ASIC5: variants seen among roughly 807,000 people sequenced by gnomAD.
The protein encoded by ASIC5 is acid sensing ion channel subunit family member 5, also known as bile acid-sensitive ion channel.
In ASIC5, 52 loss-of-function variants were observed where a neutral mutation model predicts 51.2. The observed-to-expected ratio is 1.02, with a 90% CI of 0.81 to 1.28. The LOEUF (loss-of-function observed/expected upper bound fraction) is 1.28. Among genes scored for constraint, ASIC5 ranks in the 50% most tolerant of loss-of-function variants. The probability of loss-of-function intolerance (pLI) is 0.00; values close to 1 mark genes in which losing one functional copy is unlikely to be tolerated. For missense variants in ASIC5, 635 were observed against 595.0 expected, an observed-to-expected ratio of 1.07 and a Z score of -0.70; for synonymous variants, 231 against 200.7, an observed-to-expected ratio of 1.15 and a Z score of -1.28.
At chr4:155,830,771 C>A (rs59322544) in intron 9 of ASIC5, among the ~76,000 whole-genome samples, 9,051 of 152,170 alleles carry the variant, frequency 0.059, 922 homozygotes, top group African/African-American at 0.21. Context: ...CTCTCCTCGG[C>A]CCATGACAAC....
intron 4 of ASIC5, among the ~76,000 whole-genome samples, chr4:155,848,311 C>G (rs974116697): frequency 1.3e-5 from 2 of 151,742 alleles, no homozygotes; most frequent in Non-Finnish European, 2.9e-5. Flanking sequence ...CTTTTTCTGA[C>G]CTAATTAATC....
In ASIC5 at chr4:155,836,876, CA is replaced by C; in HGVS notation, c.1067-20del. 6.5e-7 allele frequency: 1 copy of C among 1,541,364 alleles called. No homozygotes were observed. The highest frequency in any genetic ancestry group is 2.3e-5 in the East Asian group (1 of 43,710). On this transcript the variant is annotated intron_variant, in intron 7 of 9. Coordinates refer to ENST00000537611, the MANE Select transcript of ASIC5 (RefSeq NM_017419.3). ...ATGTGGTCTGAAATGAAAATCAGGA[CA>C]GGGAATTCAGAGAAGAGAAATATTT...
chr4:155,834,213 AG>A (rs1740929285), intron 8 of ASIC5, among the ~76,000 whole-genome samples: 1 of 152,172 alleles, frequency 6.6e-6, no homozygotes, highest in Non-Finnish European at 1.5e-5. Context: ...CAACATTTTG[AG>A]GTACAGCAGC....
intron 8 of ASIC5, 92 bp downstream of exon 8, chr4:155,836,597 T>G: frequency 3.8e-6 from 3 of 781,054 alleles, no homozygotes; most frequent in Non-Finnish European, 6.1e-6. Flanking sequence ...CTTGATTGAT[T>G]AGAATTTCAT....
chr4:155,838,588 G>A (rs574789403), intron 7 of ASIC5, among the ~76,000 whole-genome samples: 16 of 152,116 alleles, frequency 1.1e-4, no homozygotes, highest in African/African-American at 3.4e-4. Flanking sequence ...TTATAAAAAA[G>A]AACAAAATTT....
chr4:155,849,324 A>G (rs960038485), intron 4 of ASIC5, among the ~76,000 whole-genome samples: 4 of 152,034 alleles, frequency 2.6e-5, no homozygotes, highest in Non-Finnish European at 5.9e-5. Context: ...TAGGTACTTG[A>G]TGGCACAAAT....
At chr4:155,834,050 T>C (rs933532959) in intron 8 of ASIC5, among the ~76,000 whole-genome samples, 1 of 152,256 alleles carries the variant, frequency 6.6e-6, no homozygotes, top group East Asian at 1.9e-4. Flanking sequence ...AACAATTTTA[T>C]ACAATTTTTA....
At chr4:155,832,637 T>C (rs1042375745) in intron 8 of ASIC5, among the ~76,000 whole-genome samples, 7 of 152,214 alleles carry the variant, frequency 4.6e-5, no homozygotes, top group African/African-American at 1.7e-4. Flanking sequence ...TACTTGGATG[T>C]CTAATAGATG....
chr4:155,843,594 G>T, intron 5 of ASIC5, 87 bp downstream of exon 5: 1 of 1,447,684 alleles, frequency 6.9e-7, no homozygotes, highest in Non-Finnish European at 9.5e-7. Context: ...TACAGGCATG[G>T]GAGAAAGGAA....
chr4:155,834,836 G>A (rs1740940905), intron 8 of ASIC5, among the ~76,000 whole-genome samples: 1 of 152,068 alleles, frequency 6.6e-6, no homozygotes, highest in Admixed American at 6.5e-5. Context: ...ACAAACCAGT[G>A]ATGGCAAAAT....
intron 4 of ASIC5, among the ~76,000 whole-genome samples, chr4:155,851,418 A>G (rs547648593): frequency 1.2e-4 from 19 of 152,022 alleles, no homozygotes; most frequent in Non-Finnish European, 2.4e-4. Context: ...GAATGCAGGA[A>G]CATCAATTTT....
At chr4:155,853,725 A>G (rs71605274) in intron 3 of ASIC5, among the ~76,000 whole-genome samples, 49 of 151,372 alleles carry the variant, frequency 3.2e-4, no homozygotes, top group Non-Finnish European at 6.2e-4. Flanking sequence ...AGAGTGATGG[A>G]TATTTGGTGA....
rs758771160 is a variant in ASIC5 at position 155,854,199 on chromosome 4, T to C, written c.463A>G (p.Thr155Ala). ...TTTTGGTGACTTGCAGCAAAATCAG[T>C]AGCCTCTCTAGAGCCAGTGGAATTG... ...TANSTGSREA[T>A]DFAASHQNFS... The change falls in exon 3 of 10, where the codon ACT becomes GCT. Residue 155 changes from threonine (T) to alanine (A), a missense_variant. By Grantham distance (58) the Thr-to-Ala change is moderately conservative. Transcript: ENST00000537611. 1.2e-6 allele frequency: 2 copies of C among 1,613,296 alleles called. No individual in the cohort carries two copies. The highest frequency in any genetic ancestry group is 3.3e-5 in the Admixed American group (2 of 59,890).
At chr4:155,852,677 A>G (rs1300230439) in intron 3 of ASIC5, among the ~76,000 whole-genome samples, 2 of 150,708 alleles carry the variant, frequency 1.3e-5, no homozygotes, top group African/African-American at 4.9e-5. Context: ...TGTAACCTGT[A>G]TGGTCACAGT....
chr4:155,849,715 C>CTT (rs377197972), intron 4 of ASIC5, among the ~76,000 whole-genome samples: 2 of 151,540 alleles, frequency 1.3e-5, no homozygotes, highest in African/African-American at 4.8e-5. Flanking sequence ...CAATTTTTTT[C>CTT]TTTTTTTTCC....
intron 5 of ASIC5, 91 bp downstream of exon 5, chr4:155,843,590 C>G (rs1741170400): frequency 2.4e-5 from 34 of 1,410,174 alleles, no homozygotes; most frequent in Admixed American, 4.1e-5. Context: ...GTTTTACAGG[C>G]ATGGGAGAAA....
At chr4:155,864,389 T>A (rs1368587846) in intron 1 of ASIC5, 1 of 152,206 alleles carries the variant, frequency 6.6e-6, no homozygotes, top group Non-Finnish European at 1.5e-5. Flanking sequence ...CAGGAATCAA[T>A]CAATAATATT....
intron 8 of ASIC5, among the ~76,000 whole-genome samples, chr4:155,835,823 T>C (rs1272496173): frequency 6.6e-6 from 1 of 152,158 alleles, no homozygotes; most frequent in Non-Finnish European, 1.5e-5. Context: ...AGCGTTTACA[T>C]GGGAATTTTT....
At chr4:155,850,575 T>C (rs1436165982) in intron 4 of ASIC5, among the ~76,000 whole-genome samples, 2 of 152,048 alleles carry the variant, frequency 1.3e-5, no homozygotes, top group Non-Finnish European at 1.5e-5. Flanking sequence ...TAGTTTTCCA[T>C]GGATCACATT....
Sources: gnomAD v4.1 joint callset for allele counts (sites outside exome capture counted in the v4.1 genomes callset) on GRCh38, gnomAD v4.1.1 for gene constraint, MANE v1.5 for transcripts, NCBI Gene and HGNC (gene_info 2026-07-23, HGNC 2026-07-21) for gene names.